Variants in TRIM54 observed in about 807,000 individuals in gnomAD.
TRIM54 encodes the protein tripartite motif-containing protein 54.
In TRIM54, 40 loss-of-function variants were observed where a neutral mutation model predicts 42.0. That is an observed-to-expected ratio of 0.95 (90% confidence interval 0.74 to 1.24). The LOEUF is 1.24. Among genes scored for constraint, TRIM54 ranks in the 50% most tolerant of loss-of-function variants. TRIM54 has a pLI of 0.00. For missense variants in TRIM54, 485 were observed against 480.3 expected (o/e 1.01, Z -0.09); for synonymous variants, 199 against 194.9 (o/e 1.02, Z -0.17).
chr2:27,305,744 T>A lies in TRIM54; in HGVS notation c.770T>A (p.Leu257Gln). 1.2e-6 allele frequency: 2 copies of A among 1,611,100 alleles called. No individual in the cohort carries two copies. Among genetic ancestry groups the A allele is most frequent in the Non-Finnish European group, 1.7e-6 (2 of 1,178,818 alleles). ...CTCATCCGTCAGTATGGCGACCACCTGGAGGCCTCCTCTAAGCTGGTGGAG... is the reference window on the plus strand; with the variant it reads ...CTCATCCGTCAGTATGGCGACCACCAGGAGGCCTCCTCTAAGCTGGTGGAG... ...RGLIRQYGDH[L>Q]EASSKLVESA... is the part of the protein sequence containing the mutation. The change falls in exon 5 of 9, where the codon CTG (leucine) becomes CAG (glutamine). Residue 257 changes from leucine (L) to glutamine (Q), a missense_variant. By Grantham distance (113) the Leu-to-Gln change is moderately radical (BLOSUM62 -2). Transcript: ENST00000380075.
In TRIM54 at chr2:27,305,451, T is replaced by A. The variant is rs866754978; in HGVS notation, c.610-133T>A. ...TATGGAAAAGATCTGGGCTGGGTTC[T>A]GGCTCAGCCACTAACTCACAGTGTC... On this transcript the variant is annotated intron_variant, in intron 4 of 8. Transcript: ENST00000380075. The A allele has an allele frequency of 2.1e-4, 148 of 696,864 alleles. No individual in the cohort carries two copies. In the African/African-American group the frequency reaches 2.3e-3, roughly 11 times the overall value. 43.2% of individuals were successfully genotyped at this position (696,864 alleles called of 1,614,324 possible). A position where few individuals can be genotyped will look rare whatever the true frequency, so the allele number is the denominator to read the frequency against.
chr2:27,306,249 G>T lies in TRIM54; in HGVS notation c.903G>T (p.Arg301=). Residue 301 remains arginine (R), a synonymous_variant, in exon 7 of 9, where the codon CGG becomes CGT. Coordinates refer to ENST00000380075, the MANE Select transcript of TRIM54 (RefSeq NM_187841.3). The surrounding 1 kb of genome is among the most constrained non-coding windows in gnomAD (Gnocchi z 6.1). Reference sequence around the variant, plus strand: ...TGTCGAAGGTGGAGCTGGCAGGGCGGCCGGAGCCAGGCTATGAGAGCATGG... The same window carrying T: ...TGTCGAAGGTGGAGCTGGCAGGGCGTCCGGAGCCAGGCTATGAGAGCATGG... The part of the protein sequence containing the change: ...GAMSKVELAG[R]PEPGYESMEQ... 6.2e-7 allele frequency: 1 copy of T among 1,614,116 alleles called. No homozygotes were observed.
intron 1 of TRIM54, among the ~76,000 whole-genome samples, 168 bp from the exon 2 acceptor site, chr2:27,298,399 C>T (rs1678926537): frequency 2.0e-5 from 3 of 152,086 alleles, no homozygotes; most frequent in Non-Finnish European, 2.9e-5. Context: ...GTCTCCATGG[C>T]CGTCCACCGT....
intron 1 of TRIM54, among the ~76,000 whole-genome samples, chr2:27,290,201 T>A (rs1572519801): frequency 1.3e-5 from 2 of 152,016 alleles, no homozygotes; most frequent in African/African-American, 2.4e-5. Context: ...TAAAAAAAAT[T>A]TTTTTAATTA....
Position 27,282,872 on chromosome 2 carries a change from C to A in TRIM54, c.141C>A (p.Cys47Ter), listed in dbSNP as rs754586539. 6 of 1,613,248 alleles carry A rather than the reference C, an allele frequency of 3.7e-6. No homozygotes were observed. The East Asian group carries it at 8.9e-5, about 24-fold the overall frequency. ...VVILPCQHNLCRKCANDVFQA... is the reference protein window; with the variant it reads ...VVILPCQHNL ...TCCTGCCCTGCCAACACAACCTGTG[C>A]CGCAAATGTGCCAACGACGTCTTCC... Residue 47 changes from cysteine to a stop codon, truncating the protein, a stop_gained, in exon 1 of 9, where the codon TGC becomes TGA. Coordinates refer to ENST00000380075, the MANE Select transcript of TRIM54 (RefSeq NM_187841.3). LOFTEE classifies it high-confidence loss of function.
chr2:27,285,736 A>G (rs1328050120), intron 1 of TRIM54, among the ~76,000 whole-genome samples: 1 of 152,158 alleles, frequency 6.6e-6, no homozygotes, highest in African/African-American at 2.4e-5. Flanking sequence ...TCGTTTTTAA[A>G]TAGCTGTGTA....
chr2:27,301,012 G>A (rs529412674), intron 3 of TRIM54, among the ~76,000 whole-genome samples: 42 of 152,126 alleles, frequency 2.8e-4, no homozygotes, highest in Middle Eastern at 3.4e-3. Context: ...ATTGGATCTC[G>A]CGCAAGAAAG....
At chr2:27,305,243 CCA>C in intron 4 of TRIM54, 189 bp downstream of exon 4, 1 of 607,262 alleles carries the variant, frequency 1.6e-6, no homozygotes, top group Non-Finnish European at 3.0e-6. Flanking sequence ...AAACTTTAAT[CCA>C]GTTATTTAAC....
intron 1 of TRIM54, among the ~76,000 whole-genome samples, chr2:27,287,974 C>T (rs565852746): frequency 6.6e-6 from 1 of 152,360 alleles, no homozygotes; most frequent in South Asian, 2.1e-4. Context: ...TATCACTCCT[C>T]CTTTCAAGCA....
At chr2:27,286,616 G>A (rs1013877217) in intron 1 of TRIM54, among the ~76,000 whole-genome samples, 2 of 152,156 alleles carry the variant, frequency 1.3e-5, no homozygotes, top group Non-Finnish European at 2.9e-5. Context: ...CCACTTCACT[G>A]TGGGCACTTG....
At chr2:27,298,415 G>A (rs1177482470) in intron 1 of TRIM54, 152 bp from the exon 2 acceptor site, 13 of 629,202 alleles carry the variant, frequency 2.1e-5, no homozygotes, top group Non-Finnish European at 3.6e-5. Flanking sequence ...ACCGTGCGCT[G>A]CTCTCAGAGG....
At chr2:27,295,643 T>A (rs1189407249) in intron 1 of TRIM54, among the ~76,000 whole-genome samples, 1 of 152,194 alleles carries the variant, frequency 6.6e-6, no homozygotes, top group Non-Finnish European at 1.5e-5. Flanking sequence ...TGAGTATCCC[T>A]GCCTTTGTGG....
chr2:27,282,621 T>C lies in TRIM54; in HGVS notation c.-111T>C. On this transcript the variant is annotated 5_prime_UTR_variant, in exon 1 of 9. Transcript: ENST00000380075. ...GGACAGGAGAGAAAGCAGAGCTATT[T>C]CAAGAGTGAGCCACAGAAGGGAATC... 1 of 1,226,410 alleles carries C rather than the reference T, an allele frequency of 8.2e-7. No homozygotes were observed. Among genetic ancestry groups the C allele is most frequent in the Non-Finnish European group, 1.1e-6 (1 of 888,744 alleles). 76.0% of individuals were successfully genotyped at this position (1,226,410 alleles called of 1,614,324 possible).
At chr2:27,295,739 C>T (rs1449756222) in intron 1 of TRIM54, among the ~76,000 whole-genome samples, 1 of 152,074 alleles carries the variant, frequency 6.6e-6, no homozygotes, top group Non-Finnish European at 1.5e-5. Flanking sequence ...GATATAGGTC[C>T]CCCTTCCTCC....
chr2:27,289,709 A>G (rs959971321), intron 1 of TRIM54, among the ~76,000 whole-genome samples: 7 of 151,692 alleles, frequency 4.6e-5, no homozygotes, highest in Non-Finnish European at 8.8e-5. Context: ...GGGGGATGGG[A>G]GCTATTGGGG....
intron 3 of TRIM54, among the ~76,000 whole-genome samples, chr2:27,302,662 TC>T (rs1679068327): frequency 1.4e-5 from 2 of 145,374 alleles, no homozygotes; most frequent in Non-Finnish European, 3.0e-5. Flanking sequence ...ATGGTGGCAG[TC>T]GCCTGTAATC....
At chr2:27,285,139 A>G (rs1165544675) in intron 1 of TRIM54, among the ~76,000 whole-genome samples, 2 of 152,176 alleles carry the variant, frequency 1.3e-5, no homozygotes, top group Non-Finnish European at 2.9e-5. Flanking sequence ...TGAACAGCTC[A>G]TCCCTTGCTG....
intron 1 of TRIM54, among the ~76,000 whole-genome samples, chr2:27,284,464 C>T (rs1424154109): frequency 1.3e-5 from 2 of 151,996 alleles, no homozygotes; most frequent in African/African-American, 2.4e-5. Context: ...CATTGAGACC[C>T]ATTCCCTCTC....
At chr2:27,304,314 G>C (rs1321520510) in intron 3 of TRIM54, among the ~76,000 whole-genome samples, 1 of 140,362 alleles carries the variant, frequency 7.1e-6, no homozygotes, top group Non-Finnish European at 1.5e-5. Context: ...AGATGGCTGG[G>C]CATGGTGGCT....
Sources: allele counts gnomAD v4.1 joint callset (sites outside exome capture counted in the v4.1 genomes callset), GRCh38; gene constraint gnomAD v4.1.1; non-coding constraint Gnocchi (gnomAD v3.1); transcripts MANE v1.5; gene names NCBI Gene and HGNC (gene_info 2026-07-23, HGNC 2026-07-21).